Variants in APBB1IP observed in about 807,000 individuals in gnomAD.
APBB1IP encodes amyloid beta A4 precursor protein-binding family B member 1-interacting protein.
In APBB1IP, 27 loss-of-function variants were observed where a neutral mutation model predicts 64.9. That is an observed-to-expected ratio of 0.42 (90% CI 0.31 to 0.57). APBB1IP has a LOEUF of 0.57. APBB1IP is among the 20% of genes least tolerant of loss of function. The probability of loss-of-function intolerance (pLI) is 0.20; values close to 1 mark genes in which losing one functional copy is unlikely to be tolerated. For missense variants in APBB1IP, 812 were observed against 845.5 expected (o/e 0.96, Z 0.49); for synonymous variants, 392 against 331.0 (o/e 1.18, Z -2.00).
intron 2 of APBB1IP, among the ~76,000 whole-genome samples, chr10:26,445,808 T>C (rs2132394111): frequency 6.6e-6 from 1 of 152,360 alleles, no homozygotes; most frequent in South Asian, 2.1e-4. Flanking sequence ...CTCTAGGAGC[T>C]GTTGAAGAAT....
At chr10:26,455,345 TG>T (rs1835511734) in intron 2 of APBB1IP, among the ~76,000 whole-genome samples, 1 of 151,720 alleles carries the variant, frequency 6.6e-6, no homozygotes, top group Admixed American at 6.6e-5. Context: ...CTGGCCAACA[TG>T]GTGAAGCCCT....
intron 2 of APBB1IP, among the ~76,000 whole-genome samples, chr10:26,465,607 TTA>T (rs1564352082): frequency 6.6e-6 from 1 of 152,218 alleles, no homozygotes. Flanking sequence ...AAAATTATAA[TTA>T]TGTCATTATT....
chr10:26,498,988 G>A (rs914154120), intron 4 of APBB1IP, among the ~76,000 whole-genome samples: 15 of 152,150 alleles, frequency 9.9e-5, no homozygotes, highest in African/African-American at 7.2e-5. Context: ...GGCTGGGTGC[G>A]AGCCTGTAAT....
At chr10:26,521,982 C>G (rs1836407725) in intron 8 of APBB1IP, among the ~76,000 whole-genome samples, 1 of 152,144 alleles carries the variant, frequency 6.6e-6, no homozygotes, top group Non-Finnish European at 1.5e-5. Flanking sequence ...AACTCCTGAC[C>G]TCATGTAATC....
chr10:26,522,837 T>G (rs1252479365), intron 8 of APBB1IP, among the ~76,000 whole-genome samples: 11 of 151,684 alleles, frequency 7.3e-5, no homozygotes, highest in Non-Finnish European at 1.5e-4. Context: ...TTGTCTCTAC[T>G]AATAATACAA....
At chr10:26,514,625 A>G (rs999707559) in intron 8 of APBB1IP, among the ~76,000 whole-genome samples, 1 of 152,104 alleles carries the variant, frequency 6.6e-6, no homozygotes, top group Non-Finnish European at 1.5e-5. Flanking sequence ...AAGAATGTTA[A>G]AGGTGAAGAA....
chr10:26,544,182 C>A (rs1414227777), intron 11 of APBB1IP, among the ~76,000 whole-genome samples: 1 of 152,194 alleles, frequency 6.6e-6, no homozygotes, highest in East Asian at 1.9e-4. Context: ...GCCACCTGCC[C>A]TTGAGTCACA....
At chr10:26,482,327 G>A (rs1835844973) in intron 2 of APBB1IP, among the ~76,000 whole-genome samples, 1 of 152,196 alleles carries the variant, frequency 6.6e-6, no homozygotes, top group African/African-American at 2.4e-5. Context: ...AGAAGCCTCG[G>A]CTTCCCCTTT....
At chr10:26,526,701 AGAGT>A (rs1168190416) in intron 8 of APBB1IP, among the ~76,000 whole-genome samples, 2 of 152,070 alleles carry the variant, frequency 1.3e-5, no homozygotes, top group Non-Finnish European at 2.9e-5. Flanking sequence ...CCTGGGCAAC[AGAGT>A]GAGACTCTGT....
intron 11 of APBB1IP, among the ~76,000 whole-genome samples, chr10:26,544,736 T>G (rs888114487): frequency 1.3e-5 from 2 of 152,166 alleles, no homozygotes; most frequent in South Asian, 4.1e-4. Flanking sequence ...AACTGACACA[T>G]AAGTTTGGGA....
At chr10:26,562,183 T>C in intron 13 of APBB1IP, 143 bp from the exon 14 acceptor site, 1 of 656,180 alleles carries the variant, frequency 1.5e-6, no homozygotes, top group Non-Finnish European at 2.7e-6. Context: ...GCTTTGTTTT[T>C]ATTTTTGTTT....
At position 26,513,653 on chromosome 10, in the gene APBB1IP, AC is replaced by A; in HGVS notation, c.811del (p.Gln271ArgfsTer20). 2 of 1,608,076 alleles carry A rather than the reference AC, an allele frequency of 1.2e-6. No homozygotes were observed. Among genetic ancestry groups the A allele is most frequent in the South Asian group, 1.1e-5 (1 of 89,510 alleles). On this transcript the variant is annotated frameshift_variant, in exon 8 of 15. Transcript: ENST00000376236. LOFTEE classifies it high-confidence loss of function. The stretch of plus-strand genomic sequence containing the variant: ...GAGGAGAAATATGCTGTATTTAAAA[AC>A]CCCCAGGTAAGATGATCTGCATATT... ...EKEEKYAVFK[N>X]PQNFYLDNRG...
intron 6 of APBB1IP, among the ~76,000 whole-genome samples, chr10:26,506,335 A>G (rs1488409955): frequency 4.0e-5 from 6 of 151,350 alleles, no homozygotes; most frequent in African/African-American, 1.2e-4. Flanking sequence ...GAAGCCTCAA[A>G]TTCCTGGGCT....
At chr10:26,456,058 A>G (rs2132402545) in intron 2 of APBB1IP, among the ~76,000 whole-genome samples, 1 of 152,340 alleles carries the variant, frequency 6.6e-6, no homozygotes, top group Non-Finnish European at 1.5e-5. Context: ...AGCTTTATAT[A>G]GAGAGGAAGT....
intron 11 of APBB1IP, among the ~76,000 whole-genome samples, chr10:26,545,047 A>G (rs569993940): frequency 2.6e-5 from 4 of 152,266 alleles, no homozygotes; most frequent in East Asian, 1.9e-4. Context: ...TCTAAAGCCA[A>G]TTTCCTCATG....
At chr10:26,481,801 T>A (rs942398638) in intron 2 of APBB1IP, among the ~76,000 whole-genome samples, 2 of 150,918 alleles carry the variant, frequency 1.3e-5, no homozygotes, top group African/African-American at 2.4e-5. Context: ...TCATATTTTT[T>A]AAAATGTGGT....
intron 4 of APBB1IP, among the ~76,000 whole-genome samples, chr10:26,498,046 C>A (rs1453411657): frequency 6.6e-6 from 1 of 152,090 alleles, no homozygotes; most frequent in African/African-American, 2.4e-5. Flanking sequence ...TTGTTTCTAT[C>A]ATTTCTAGTA....
chr10:26,495,914 T>C (rs986466706), intron 3 of APBB1IP, among the ~76,000 whole-genome samples: 1 of 143,156 alleles, frequency 7.0e-6, no homozygotes, highest in African/African-American at 2.6e-5. Context: ...TATAAATATA[T>C]ATTTTATATA....
chr10:26,488,640 C>T (rs1835921348), intron 2 of APBB1IP, among the ~76,000 whole-genome samples: 1 of 152,208 alleles, frequency 6.6e-6, no homozygotes, highest in Non-Finnish European at 1.5e-5. Flanking sequence ...CCCTCATGAA[C>T]CAGGGGCAGG....
Sources: gnomAD v4.1 joint callset for allele counts (sites outside exome capture counted in the v4.1 genomes callset) on GRCh38, gnomAD v4.1.1 for gene constraint, MANE v1.5 for transcripts, NCBI Gene and HGNC (gene_info 2026-07-23, HGNC 2026-07-21) for gene names.